Variants in ATIC observed in about 807,000 individuals in gnomAD.
ATIC encodes bifunctional purine biosynthesis protein ATIC.
ATIC carries 64 observed loss-of-function variants against 72.5 expected under a neutral mutation model. The ratio of observed to expected loss-of-function variants is 0.88; its 90% CI spans 0.72 to 1.09. The LOEUF (loss-of-function observed/expected upper bound fraction) is 1.09. ATIC is among the 50% of genes least tolerant of loss of function. ATIC has a pLI of 0.00. For synonymous variants in ATIC, 281 were observed against 267.1 expected (o/e 1.05, Z -0.51); for missense variants, 787 against 732.4 (o/e 1.07, Z -0.86).
intron 1 of ATIC, 104 bp from the exon 2 acceptor site, chr2:215,312,394 C>T: frequency 6.3e-7 from 1 of 1,588,642 alleles, no homozygotes; most frequent in Non-Finnish European, 8.6e-7. Flanking sequence ...GGTCCAGGTG[C>T]TGGCCTTGCG....
the ATIC span, chr2:215,365,620 A>C: frequency 1.2e-6 from 2 of 1,613,986 alleles, no homozygotes; most frequent in South Asian, 1.1e-5. Flanking sequence ...CACCATTGTC[A>C]TGGCACCATC....
intron 7 of ATIC, among the ~76,000 whole-genome samples, chr2:215,330,002 TC>T (rs946668840): frequency 6.6e-6 from 1 of 152,184 alleles, no homozygotes; most frequent in Non-Finnish European, 1.5e-5. Context: ...CCTCAGGTGA[TC>T]CACCCACCTT....
intron 9 of ATIC, among the ~76,000 whole-genome samples, chr2:215,334,189 CTTTTTTT>C (rs551274501): frequency 4.0e-5 from 4 of 100,972 alleles, no homozygotes; most frequent in Admixed American, 1.2e-4. Flanking sequence ...AAAAGCTATT[CTTTTTTT>C]TTTTTTTTTT....
chr2:215,356,117 G>A, the ATIC span, among the ~76,000 whole-genome samples: 1 of 152,298 alleles, frequency 6.6e-6, no homozygotes, highest in South Asian at 2.1e-4. Context: ...GAACAATACT[G>A]ACGTCTTAGA....
chr2:215,353,409 A>G (rs553856950), downstream of ATIC, among the ~76,000 whole-genome samples: 91 of 151,360 alleles, frequency 6.0e-4, 1 homozygote, highest in Non-Finnish European at 1.0e-3. Context: ...CACTTAGCCT[A>G]TTTTTTAAGA....
intron 11 of ATIC, among the ~76,000 whole-genome samples, chr2:215,338,527 A>C (rs2052981458): frequency 6.6e-6 from 1 of 152,198 alleles, no homozygotes; most frequent in South Asian, 2.1e-4. Context: ...TGGGTAGTAA[A>C]ATCTATAAAA....
chr2:215,313,366 C>G (rs1254944100), intron 2 of ATIC, among the ~76,000 whole-genome samples: 1 of 152,124 alleles, frequency 6.6e-6, no homozygotes. Context: ...ATCATTCATT[C>G]CCACGTTCAC....
the ATIC span, among the ~76,000 whole-genome samples, chr2:215,359,454 G>A: frequency 6.6e-6 from 1 of 152,140 alleles, no homozygotes; most frequent in Non-Finnish European, 1.5e-5. Context: ...AGGGTGCAGT[G>A]ATGACCGACA....
At chr2:215,361,682 G>GAA in the ATIC span, 3 of 1,321,562 alleles carry the variant, frequency 2.3e-6, no homozygotes, top group Non-Finnish European at 2.2e-6. Flanking sequence ...AAAGTGTACA[G>GAA]AAAAAAAAAT....
chr2:215,341,027 T>C (rs569733745), intron 12 of ATIC, among the ~76,000 whole-genome samples: 1 of 152,362 alleles, frequency 6.6e-6, no homozygotes, highest in Non-Finnish European at 1.5e-5. Context: ...GGCTGCAGCT[T>C]GCTCCCAGGT....
At chr2:215,318,068 C>A in intron 2 of ATIC, 89 bp from the exon 3 acceptor site, 2 of 1,191,198 alleles carry the variant, frequency 1.7e-6, no homozygotes, top group Non-Finnish European at 1.3e-6. Context: ...GGCTCAAAAT[C>A]TCTTGAAATG....
In ATIC at chr2:215,312,643, C is replaced by G; in HGVS notation, c.146+19C>G. ...CAGTCAGGTAAGGCATAGCTAGTTC[C>G]ATCAGAAAGGAGTGTGATCACATTA... On this transcript the variant is annotated intron_variant, in intron 2 of 15. Coordinates refer to ENST00000236959, the MANE Select transcript of ATIC (RefSeq NM_004044.7). The G allele has an allele frequency of 6.2e-7, 1 of 1,614,086 alleles. No homozygotes were observed. Among genetic ancestry groups the G allele is most frequent in the Non-Finnish European group, 8.5e-7 (1 of 1,180,016 alleles).
chr2:215,349,441 G>T (rs894975893), intron 15 of ATIC, 95 bp from the exon 16 acceptor site: 5 of 1,602,030 alleles, frequency 3.1e-6, no homozygotes, highest in Middle Eastern at 1.6e-4. Flanking sequence ...TTGACTGAGT[G>T]TATCTTTGTT....
At chr2:215,345,834 T>C (rs1203302467) in intron 13 of ATIC, among the ~76,000 whole-genome samples, 1 of 152,206 alleles carries the variant, frequency 6.6e-6, no homozygotes. Flanking sequence ...TATTCTCTTG[T>C]AGCTGTGGGC....
At chr2:215,362,128 G>A in the ATIC span, 3 of 1,394,170 alleles carry the variant, frequency 2.2e-6, no homozygotes, top group Middle Eastern at 1.8e-4. Context: ...ATAACCTGAG[G>A]ACATCGTAAT....
intron 9 of ATIC, among the ~76,000 whole-genome samples, chr2:215,333,753 G>A (rs1207078506): frequency 6.6e-6 from 1 of 152,066 alleles, no homozygotes; most frequent in Non-Finnish European, 1.5e-5. Flanking sequence ...GTGTATGTTA[G>A]TATTTTAGGC....
At chr2:215,316,256 A>G (rs1177662331) in intron 2 of ATIC, among the ~76,000 whole-genome samples, 1 of 152,178 alleles carries the variant, frequency 6.6e-6, no homozygotes, top group African/African-American at 2.4e-5. Flanking sequence ...TTTGGAGGAA[A>G]TGGATTTTAT....
intron 12 of ATIC, among the ~76,000 whole-genome samples, chr2:215,339,537 T>C (rs1344944995): frequency 6.6e-6 from 1 of 152,208 alleles, no homozygotes. Flanking sequence ...CATATTCATA[T>C]CTTTATCTGA....
rs780695514 is a variant in ATIC at position 215,349,076 on chromosome 2, TTCTC to T, written c.1504-13_1504-10del. ...ACGATGTCAGACCAAGCTTCTTCCT[TTCTC>T]TCTCCCCGCATAGGATGAAGATTTG... On this transcript the variant is annotated splice_polypyrimidine_tract_variant and intron_variant, in intron 14 of 15. Transcript: ENST00000236959. 32 of 1,614,052 alleles carry T rather than the reference TTCTC, an allele frequency of 2.0e-5. 1 individual carries two copies. The South Asian group carries it at 3.2e-4, about 16-fold the overall frequency.
Sources: allele counts gnomAD v4.1 joint callset (sites outside exome capture counted in the v4.1 genomes callset), GRCh38; gene constraint gnomAD v4.1.1; transcripts MANE v1.5; gene names NCBI Gene and HGNC (gene_info 2026-07-23, HGNC 2026-07-21).